The following SEZ6L variants were observed in gnomAD, a reference collection of about 807,000 sequenced individuals.
The protein encoded by SEZ6L is seizure 6-like protein.
SEZ6L carries 37 observed loss-of-function variants against 106.2 expected under a neutral mutation model. The ratio of observed to expected loss-of-function variants is 0.35; its 90% confidence interval spans 0.27 to 0.46. SEZ6L has a LOEUF of 0.46. Among genes scored for constraint, SEZ6L ranks in the 20% least tolerant of loss-of-function variants. SEZ6L has a pLI of 1.00. For synonymous variants in SEZ6L, 541 were observed against 570.4 expected, an observed-to-expected ratio of 0.95 and a Z score of 0.73; for missense variants, 1,172 against 1,332.8, an observed-to-expected ratio of 0.88 and a Z score of 1.88.
chr22:26,231,000 C>T (rs763288237), intron 1 of SEZ6L, among the ~76,000 whole-genome samples: 6 of 152,126 alleles, frequency 3.9e-5, no homozygotes, highest in Non-Finnish European at 5.9e-5. Flanking sequence ...TGGGGCTTAG[C>T]CCAGGAGGGT....
In SEZ6L at chr22:26,296,857, T is replaced by G. The variant is rs756827451; in HGVS notation, c.970-31T>G. On this transcript the variant is annotated intron_variant, in intron 3 of 16. Coordinates refer to ENST00000248933, the MANE Select transcript of SEZ6L (RefSeq NM_021115.5). ...GCTCTGTCTCAAACACAACTCAGAG[T>G]TCCTCTCTGTCTGCTTCTGCCTGTT... 5 of 1,519,498 alleles carry G rather than the reference T, an allele frequency of 3.3e-6. No individual in the cohort carries two copies. In the East Asian group the frequency reaches 1.2e-4, roughly 37 times the overall value. 94.1% of individuals were successfully genotyped at this position (1,519,498 alleles called of 1,614,324 possible).
chr22:26,340,224 A>C (rs2082784196), intron 9 of SEZ6L, among the ~76,000 whole-genome samples: 1 of 151,504 alleles, frequency 6.6e-6, no homozygotes, highest in Non-Finnish European at 1.5e-5. Flanking sequence ...ACAGAGTGAG[A>C]CTCTGTCTCA....
intron 9 of SEZ6L, among the ~76,000 whole-genome samples, chr22:26,326,203 G>T (rs950266201): frequency 6.6e-6 from 1 of 152,176 alleles, no homozygotes; most frequent in Non-Finnish European, 1.5e-5. Context: ...CTTGGGAGGG[G>T]ACCTGCTGTC....
intron 1 of SEZ6L, among the ~76,000 whole-genome samples, chr22:26,179,234 C>A (rs1939224714): frequency 6.6e-6 from 1 of 152,044 alleles, no homozygotes; most frequent in Non-Finnish European, 1.5e-5. Context: ...ACAAAAAATT[C>A]TAAAAATTAG....
At chr22:26,281,551 AT>A (rs200851045) in intron 1 of SEZ6L, among the ~76,000 whole-genome samples, 3 of 151,072 alleles carry the variant, frequency 2.0e-5, no homozygotes, top group African/African-American at 4.9e-5. Context: ...CTTTTTTTAA[AT>A]TTTTTTTAGT....
chr22:26,211,799 G>A (rs1411876027), intron 1 of SEZ6L, among the ~76,000 whole-genome samples: 2 of 75,550 alleles, frequency 2.6e-5, no homozygotes, highest in Non-Finnish European at 4.5e-5. Flanking sequence ...GCCAGACCTC[G>A]TCTCTAAAAA....
In SEZ6L at chr22:26,299,099, G is replaced by A. The variant is rs757250877; in HGVS notation, c.1278G>A (p.Gln426=). The A allele has an allele frequency of 1.2e-6, 2 of 1,607,366 alleles. No homozygotes were observed. Among genetic ancestry groups the A allele is most frequent in the Non-Finnish European group, 8.5e-7 (1 of 1,177,170 alleles). The change falls in exon 5 of 17, where the codon CAG becomes CAA. Residue 426 remains glutamine (Q), a synonymous_variant. Coordinates refer to ENST00000248933, the MANE Select transcript of SEZ6L (RefSeq NM_021115.5). ...ACTGCCACCTGGGCTATGAGCTCCAGGGCGCTAAGATGCTGACATGCATCA... is the reference window on the plus strand; with the variant it reads ...ACTGCCACCTGGGCTATGAGCTCCAAGGCGCTAAGATGCTGACATGCATCA... ...HFHCHLGYEL[Q]GAKMLTCINA...
chr22:26,220,887 GT>G (rs2078445219), intron 1 of SEZ6L, among the ~76,000 whole-genome samples: 1 of 97,116 alleles, frequency 1.0e-5, no homozygotes, highest in South Asian at 4.2e-4. Context: ...AATAAATACT[GT>G]ATGAATGGAT....
At chr22:26,300,742 A>G (rs1299282620) in intron 5 of SEZ6L, among the ~76,000 whole-genome samples, 1 of 152,222 alleles carries the variant, frequency 6.6e-6, no homozygotes, top group Non-Finnish European at 1.5e-5. Context: ...TGACTTCCAC[A>G]ATGGTTGAAC....
At position 26,294,343 on chromosome 22, in the gene SEZ6L, A is replaced by T. The variant is rs372813703; in HGVS notation, c.887A>T (p.Asp296Val). 171 of 1,613,944 alleles carry T rather than the reference A, an allele frequency of 1.1e-4. No homozygotes were observed. The highest frequency in any genetic ancestry group is 1.4e-4 in the Non-Finnish European group (168 of 1,179,980). Residue 296 changes from aspartate to valine, a missense_variant, in exon 3 of 17, where the codon GAC (aspartate) becomes GTC (valine). Coordinates refer to ENST00000248933, the MANE Select transcript of SEZ6L (RefSeq NM_021115.5). ...SNPEGYIDSSDYPLLPLNNFL... is the reference protein window; with the variant it reads ...SNPEGYIDSSVYPLLPLNNFL... ...CCTGAGGGGTACATTGACTCCAGCGACTACCCACTGCTGCCCCTCAACAAC... is the reference window on the plus strand; with the variant it reads ...CCTGAGGGGTACATTGACTCCAGCGTCTACCCACTGCTGCCCCTCAACAAC...
intron 16 of SEZ6L, among the ~76,000 whole-genome samples, chr22:26,379,101 G>A (rs897080492): frequency 6.6e-6 from 1 of 152,168 alleles, no homozygotes; most frequent in African/African-American, 2.4e-5. Context: ...AAACTCACAT[G>A]GTTGTTGACA....
chr22:26,321,883 C>T (rs922730288), intron 9 of SEZ6L, among the ~76,000 whole-genome samples: 2 of 151,986 alleles, frequency 1.3e-5, no homozygotes, highest in East Asian at 1.9e-4. Context: ...ATTTCCCAGG[C>T]GAGAGGGGAT....
At chr22:26,338,867 C>CTTTTTTTTTTTTTT (rs71192914) in intron 9 of SEZ6L, among the ~76,000 whole-genome samples, 10 of 87,468 alleles carry the variant, frequency 1.1e-4, no homozygotes, top group Admixed American at 1.5e-4. Flanking sequence ...TTTTTTTTTT[C>CTTTTTTTTTTTTTT]TTTTTTTTTT....
intron 14 of SEZ6L, among the ~76,000 whole-genome samples, chr22:26,374,457 G>A (rs761172924): frequency 1.6e-4 from 25 of 152,052 alleles, no homozygotes; most frequent in Non-Finnish European, 3.7e-4. Context: ...AAATGAAGGA[G>A]CATGAATTAT....
At chr22:26,378,401 A>C (rs2084302297) in intron 16 of SEZ6L, among the ~76,000 whole-genome samples, 1 of 152,230 alleles carries the variant, frequency 6.6e-6, no homozygotes, top group African/African-American at 2.4e-5. Flanking sequence ...AGTGGCACAC[A>C]GCCAGGATGC....
At chr22:26,223,508 A>G (rs1352472433) in intron 1 of SEZ6L, among the ~76,000 whole-genome samples, 1 of 152,074 alleles carries the variant, frequency 6.6e-6, no homozygotes, top group Non-Finnish European at 1.5e-5. Flanking sequence ...CCTCCCCTTC[A>G]GTGGTAAGAG....
At chr22:26,268,557 C>T (rs2080260761) in intron 1 of SEZ6L, among the ~76,000 whole-genome samples, 1 of 152,146 alleles carries the variant, frequency 6.6e-6, no homozygotes, top group South Asian at 2.1e-4. Context: ...CCAAGAATTC[C>T]CCGGAGGCAT....
chr22:26,282,518 A>G (rs1036081374), intron 1 of SEZ6L, among the ~76,000 whole-genome samples: 3 of 152,150 alleles, frequency 2.0e-5, no homozygotes, highest in Admixed American at 6.5e-5. Context: ...CTGTTACATA[A>G]ACTCTGGTTG....
chr22:26,240,731 G>C (rs1020589438), intron 1 of SEZ6L, among the ~76,000 whole-genome samples: 1 of 152,120 alleles, frequency 6.6e-6, no homozygotes, highest in African/African-American at 2.4e-5. Flanking sequence ...GAAGAAAAAG[G>C]CCATAAATCC....
Sources: gnomAD v4.1 joint callset for allele counts (sites outside exome capture counted in the v4.1 genomes callset) on GRCh38, gnomAD v4.1.1 for gene constraint, MANE v1.5 for transcripts, NCBI Gene and HGNC (gene_info 2026-07-23, HGNC 2026-07-21) for gene names.